The following CCDC73 variants were observed in gnomAD, a reference collection of about 807,000 sequenced individuals.
CCDC73 encodes coiled-coil domain-containing protein 73.
CCDC73 carries 95 observed loss-of-function variants against 116.5 expected under a neutral mutation model. That is an observed-to-expected ratio of 0.82 (90% CI 0.69 to 0.97). The LOEUF is 0.97. CCDC73 is among the 50% of genes least tolerant of loss of function. CCDC73 has a pLI of 0.00. For synonymous variants in CCDC73, 398 were observed against 401.3 expected (o/e 0.99, Z 0.10); for missense variants, 1,066 against 1,206.8 (o/e 0.88, Z 1.73).
intron 14 of CCDC73, among the ~76,000 whole-genome samples, chr11:32,629,418 CT>C (rs35714596): frequency 0.68 from 97,186 of 142,380 alleles, 33,456 homozygotes; most frequent in African/African-American, 0.76. Flanking sequence ...TATAAAGACA[CT>C]TTTTTTTTTT....
At chr11:32,693,413 A>C (rs1285469309) in intron 6 of CCDC73, among the ~76,000 whole-genome samples, 1 of 152,236 alleles carries the variant, frequency 6.6e-6, no homozygotes, top group African/African-American at 2.4e-5. Flanking sequence ...TCAGCAGACC[A>C]TGAGGTATCC....
At chr11:32,819,233 TGTTA>T in the CCDC73 span, among the ~76,000 whole-genome samples, 1 of 152,196 alleles carries the variant, frequency 6.6e-6, no homozygotes, top group Non-Finnish European at 1.5e-5. Flanking sequence ...GAGTAACCTC[TGTTA>T]TTCAAATTAT....
At chr11:32,713,930 C>T (rs995082322) in intron 3 of CCDC73, among the ~76,000 whole-genome samples, 2 of 152,022 alleles carry the variant, frequency 1.3e-5, no homozygotes, top group Admixed American at 6.6e-5. Context: ...CTAAAATTAA[C>T]CCCTAGAACA....
chr11:32,636,840 C>T (rs1204851213), intron 13 of CCDC73, among the ~76,000 whole-genome samples: 2 of 151,126 alleles, frequency 1.3e-5, no homozygotes, highest in Non-Finnish European at 2.9e-5. Context: ...TTCTTCATTC[C>T]TTCCTCTCCT....
At chr11:32,763,314 G>A (rs1270237877) in intron 1 of CCDC73, among the ~76,000 whole-genome samples, 1 of 152,238 alleles carries the variant, frequency 6.6e-6, no homozygotes, top group African/African-American at 2.4e-5. Context: ...GTGAGTCCCT[G>A]ACCCCTGAGT....
intron 16 of CCDC73, 137 bp downstream of exon 16, chr11:32,613,285 C>T: frequency 1.4e-6 from 1 of 740,090 alleles, no homozygotes; most frequent in Non-Finnish European, 2.1e-6. Context: ...AAGTTAAAAA[C>T]AAAAGAATAT....
At chr11:32,765,262 G>T (rs1160472649) in intron 1 of CCDC73, among the ~76,000 whole-genome samples, 1 of 152,148 alleles carries the variant, frequency 6.6e-6, no homozygotes, top group Non-Finnish European at 1.5e-5. Flanking sequence ...GCACCAAGTG[G>T]ACCTAAGAGA....
chr11:32,787,008 A>G (rs1213403215), intron 1 of CCDC73, among the ~76,000 whole-genome samples: 1 of 152,166 alleles, frequency 6.6e-6, no homozygotes, highest in Non-Finnish European at 1.5e-5. Context: ...AGATTTTGCC[A>G]GTATCACAAA....
At chr11:32,810,368 C>T in the CCDC73 span, among the ~76,000 whole-genome samples, 1 of 152,168 alleles carries the variant, frequency 6.6e-6, no homozygotes, top group Non-Finnish European at 1.5e-5. Flanking sequence ...GACTCTCTAA[C>T]TCATTGGAAT....
At chr11:32,772,100 C>T (rs963546122) in intron 1 of CCDC73, among the ~76,000 whole-genome samples, 9 of 152,140 alleles carry the variant, frequency 5.9e-5, no homozygotes, top group Non-Finnish European at 7.4e-5. Flanking sequence ...AACAAACTCA[C>T]GAAATTATGA....
chr11:32,720,281 T>C (rs2133334365), intron 2 of CCDC73, among the ~76,000 whole-genome samples: 1 of 152,280 alleles, frequency 6.6e-6, no homozygotes, highest in African/African-American at 2.4e-5. Context: ...AATCATATGA[T>C]CGCATCAACC....
intron 17 of CCDC73, among the ~76,000 whole-genome samples, chr11:32,609,946 AT>A (rs34935006): frequency 1.1e-3 from 159 of 138,532 alleles, no homozygotes; most frequent in Admixed American, 1.3e-3. Context: ...AGCCCAGCTA[AT>A]TTTTTTTTTT....
At chr11:32,724,348 T>C (rs1850013621) in intron 2 of CCDC73, among the ~76,000 whole-genome samples, 1 of 152,152 alleles carries the variant, frequency 6.6e-6, no homozygotes, top group Admixed American at 6.6e-5. Flanking sequence ...GATTCTATTA[T>C]GATACATAAT....
At chr11:32,620,672 T>TA (rs1196379986) in intron 14 of CCDC73, among the ~76,000 whole-genome samples, 6 of 149,984 alleles carry the variant, frequency 4.0e-5, no homozygotes, top group Non-Finnish European at 8.9e-5. Context: ...TTTCATTCAT[T>TA]AAAACCAAGT....
At position 32,614,405 on chromosome 11, in the gene CCDC73, T is replaced by C. The variant is rs751956704; in HGVS notation, c.1913A>G (p.Asn638Ser). ...DLDSSLDIKKNPVPCQKYSLR... is the reference protein window; with the variant it reads ...DLDSSLDIKKSPVPCQKYSLR... ...ACTATATTTCTGACATGGAACAGGA[T>C]TTTTTTTTATATCTAGAGACGAGTC... Residue 638 changes from asparagine to serine, a missense_variant, in exon 16 of 18, where the codon AAT becomes AGT. Transcript: ENST00000335185. 21 of 1,592,546 alleles carry C rather than the reference T, an allele frequency of 1.3e-5. No homozygotes were observed. In the South Asian group the frequency reaches 2.2e-4, roughly 17 times the overall value.
At chr11:32,676,056 T>A (rs759163883) in intron 7 of CCDC73, 35 bp from the exon 8 acceptor site, 2 of 1,524,874 alleles carry the variant, frequency 1.3e-6, no homozygotes, top group African/African-American at 1.4e-5. Flanking sequence ...GTTATACATA[T>A]AACACACACA....
At chr11:32,641,796 T>C (rs1855735318) in intron 13 of CCDC73, among the ~76,000 whole-genome samples, 176 bp downstream of exon 13, 1 of 151,672 alleles carries the variant, frequency 6.6e-6, no homozygotes, top group African/African-American at 2.4e-5. Context: ...ACAGGGAATT[T>C]CATTAAATTT....
At chr11:32,675,507 A>G in intron 9 of CCDC73, 58 bp downstream of exon 9, 1 of 1,107,998 alleles carries the variant, frequency 9.0e-7, no homozygotes, top group Non-Finnish European at 1.3e-6. Context: ...GTAATAGCGC[A>G]TAAGACTATT....
At chr11:32,675,778 C>A in intron 8 of CCDC73, 108 bp downstream of exon 8, 1 of 1,204,658 alleles carries the variant, frequency 8.3e-7, no homozygotes, top group South Asian at 1.4e-5. Context: ...TTATTAACTG[C>A]CATTTACTAT....
Sources: allele counts gnomAD v4.1 joint callset (sites outside exome capture counted in the v4.1 genomes callset), GRCh38; gene constraint gnomAD v4.1.1; transcripts MANE v1.5; gene names NCBI Gene and HGNC (gene_info 2026-07-23, HGNC 2026-07-21).